The following P3H1 variants were observed in gnomAD, a reference collection of about 807,000 sequenced individuals.
The protein encoded by P3H1 is prolyl 3-hydroxylase 1.
Under a neutral mutation model 84.0 loss-of-function variants are expected in P3H1, and 69 were observed. The observed-to-expected ratio is 0.82, with a 90% CI of 0.68 to 1.00. The LOEUF (loss-of-function observed/expected upper bound fraction) is 1.00, where lower values mean the gene tolerates loss of function less well. Ranked by LOEUF, P3H1 falls within the 50% of genes least tolerant of loss-of-function variation. The pLI is 0.00. For synonymous variants in P3H1, 366 were observed against 388.8 expected (o/e 0.94, Z 0.69); for missense variants, 878 against 962.8 (o/e 0.91, Z 1.17).
chr1:42,752,013 C>T (rs1459057701), intron 10 of P3H1, among the ~76,000 whole-genome samples: 1 of 152,230 alleles, frequency 6.6e-6, no homozygotes, highest in Admixed American at 6.5e-5. Context: ...CCTCTAGAAT[C>T]AGCCTTTCTA....
chr1:42,754,500 C>T lies in P3H1; in HGVS notation c.1345+369G>A, dbSNP rs916426519. On this transcript the variant is annotated intron_variant, in intron 8 of 14. Coordinates refer to ENST00000296388, the MANE Select transcript of P3H1 (RefSeq NM_022356.4). The surrounding 1 kb of genome is among the most constrained non-coding windows in gnomAD (Gnocchi z 4.0). Reference sequence around the variant, plus strand: ...TGGACAACACTAGTCACTCATGTTTCTGTGACACAGAAGTCTCATTTCTTT... The same window carrying T: ...TGGACAACACTAGTCACTCATGTTTTTGTGACACAGAAGTCTCATTTCTTT... Among the ~76,000 whole-genome samples the T allele has an allele frequency of 1.8e-4, 28 of 152,230 alleles. No homozygotes were observed. The highest frequency in any genetic ancestry group is 5.8e-4 in the African/African-American group (24 of 41,546).
chr1:42,747,085 C>T (rs1281640118), intron 14 of P3H1, 187 bp downstream of exon 14: 1 of 1,614,132 alleles, frequency 6.2e-7, no homozygotes, highest in Admixed American at 1.7e-5. Flanking sequence ...ATCCCGTTCA[C>T]AGCAGGCCCA....
At position 42,750,171 on chromosome 1, in the gene P3H1, G is replaced by T. The variant is rs1385085286; in HGVS notation, c.1720+15C>A. 1.9e-6 allele frequency: 3 copies of T among 1,610,752 alleles called. No individual in the cohort carries two copies. In the South Asian group the frequency reaches 3.3e-5, roughly 18 times the overall value. On this transcript the variant is annotated intron_variant, in intron 11 of 14. Coordinates refer to ENST00000296388, the MANE Select transcript of P3H1 (RefSeq NM_022356.4). ...AGCATGCGGGGGCGGGTGCTGCAGG[G>T]GTAATGAGGCCCACCTTCGATGGCA... is the stretch of plus-strand genomic sequence containing the variant.
chr1:42,758,251 T>C (rs914721766), intron 4 of P3H1, among the ~76,000 whole-genome samples: 1 of 152,264 alleles, frequency 6.6e-6, no homozygotes, highest in African/African-American at 2.4e-5. Flanking sequence ...TTTGCCTCAA[T>C]ACACTCAATC....
rs758732344 is a variant in P3H1 at position 42,747,809 on chromosome 1, C to A, written c.1839-11G>T. The stretch of plus-strand genomic sequence containing the variant: ...AGGTAAAGGATGGCGCTGGGAAAGG[C>A]AGAGACATCTCATCATGGCCCTTCC... On this transcript the variant is annotated splice_polypyrimidine_tract_variant and intron_variant, in intron 12 of 14. Coordinates refer to ENST00000296388, the MANE Select transcript of P3H1 (RefSeq NM_022356.4). 15 of 1,613,636 alleles carry A rather than the reference C, an allele frequency of 9.3e-6. No individual in the cohort carries two copies. In the South Asian group the frequency reaches 1.6e-4, roughly 18 times the overall value.
At chr1:42,755,344 T>C (rs1249273074) in intron 6 of P3H1, 127 bp from the exon 7 acceptor site, 41 of 1,046,722 alleles carry the variant, frequency 3.9e-5, no homozygotes, top group Admixed American at 1.5e-4. Flanking sequence ...GGAGACAAAA[T>C]GGGAGGTTTC....
rs369774706 is a variant in P3H1, at chr1:42,755,142, T to C, written c.1223+23A>G. 3.7e-5 allele frequency: 60 copies of C among 1,613,674 alleles called. No homozygotes were observed. In the East Asian group the frequency reaches 8.2e-4, roughly 22 times the overall value. ...GTGCTTCATCAGACTGATCCAACCA[T>C]GCAGTTTCTTCAAGGTCCTCACTTC... On this transcript the variant is annotated intron_variant, in intron 7 of 14. Coordinates refer to ENST00000296388, the MANE Select transcript of P3H1 (RefSeq NM_022356.4).
chr1:42,747,600 T>C (rs1358986661), intron 13 of P3H1, 123 bp downstream of exon 13: 1 of 1,166,908 alleles, frequency 8.6e-7, no homozygotes, highest in African/African-American at 1.5e-5. Flanking sequence ...CCCCTCTGGA[T>C]GGGGGAAGGG....
rs74070021 is a variant in P3H1 at position 42,752,231 on chromosome 1, C to T, written c.1569+43G>A. On this transcript the variant is annotated intron_variant, in intron 10 of 14. Transcript: ENST00000296388. ...TCAAAGCCTGAGCTTCCCCCTTCCC[C>T]ACCCCTTTCTCCACACTCTAGAATG... is the stretch of plus-strand genomic sequence containing the variant. 4.1e-3 allele frequency: 6,271 copies of T among 1,523,304 alleles called. 227 individuals carry two copies. In the African/African-American group the frequency reaches 0.078, roughly 19 times the overall value. 94.4% of individuals were successfully genotyped at this position (1,523,304 alleles called of 1,614,324 possible). A position where few individuals can be genotyped will look rare whatever the true frequency, so the allele number is the denominator to read the frequency against.
In P3H1 at chr1:42,754,127, G is replaced by C. The variant is rs1652257719; in HGVS notation, c.1345+742C>G. ...AACATTCGGTTAAGGGGCAGGCACG[G>C]AGGATGGGTCAGAGGCCAGTGTCTG... On this transcript the variant is annotated intron_variant, in intron 8 of 14. Transcript: ENST00000296388. The surrounding 1 kb of genome is among the most constrained non-coding windows in gnomAD (Gnocchi z 4.0). Among the ~76,000 whole-genome samples the C allele has an allele frequency of 6.6e-6, 1 of 152,218 alleles. No homozygotes were observed.
chr1:42,751,968 A>G lies in P3H1; in HGVS notation c.1569+306T>C, dbSNP rs1570463185. The stretch of plus-strand genomic sequence containing the variant: ...CCTCCTGTCCTTCTTATCTCTCTTT[A>G]TGAGCACACTGTGCATCCTGCACAG... On this transcript the variant is annotated intron_variant, in intron 10 of 14. Coordinates refer to ENST00000296388, the MANE Select transcript of P3H1 (RefSeq NM_022356.4). 6 of 424,264 alleles carry G rather than the reference A, an allele frequency of 1.4e-5. No individual in the cohort carries two copies. The East Asian group carries it at 3.1e-4, about 22-fold the overall frequency. The allele number at this position is 424,264 out of a possible 1,614,324, so 26.3% of individuals were successfully genotyped here.
intron 8 of P3H1, among the ~76,000 whole-genome samples, chr1:42,753,716 T>G (rs1176541969): frequency 6.6e-6 from 1 of 151,468 alleles, no homozygotes; most frequent in Non-Finnish European, 1.5e-5. Context: ...AGGTCAGGAG[T>G]TTGAGACCAG....
chr1:42,766,894 G>A lies in P3H1; in HGVS notation c.78C>T (p.Ser26=). The part of the protein sequence containing the change: ...VAAASQAEVE[S]EAGWGMVTPD... Reference sequence around the variant, plus strand: ...GCGTCACCATGCCCCATCCTGCCTCGGACTCGACCTCGGCTTGGGAGGCAG... The same window carrying A: ...GCGTCACCATGCCCCATCCTGCCTCAGACTCGACCTCGGCTTGGGAGGCAG... Residue 26 remains serine, a synonymous_variant, in exon 1 of 15, where the codon TCC becomes TCT. Coordinates refer to ENST00000296388, the MANE Select transcript of P3H1 (RefSeq NM_022356.4). 1 of 1,608,904 alleles carries A rather than the reference G, an allele frequency of 6.2e-7. No homozygotes were observed.
chr1:42,759,316 CGCCGCCTCTAGGTGG>C lies in P3H1; in HGVS notation c.678_692del (p.His227_Ala231del). 1.2e-6 allele frequency: 2 copies of C among 1,614,182 alleles called. No homozygotes were observed. Among genetic ancestry groups the C allele is most frequent in the Non-Finnish European group, 1.7e-6 (2 of 1,180,024 alleles). ...CATAGGCCACAAAGTATTCTTGCAG[CGCCGCCTCTAGGTGG>C]GGCACAGCTTCCTGTGGCTGTTCCT... is the stretch of plus-strand genomic sequence containing the variant. On this transcript the variant is annotated inframe_deletion, in exon 3 of 15. Transcript: ENST00000296388.
intron 2 of P3H1, 41 bp from the exon 3 acceptor site, chr1:42,759,431 A>T: frequency 1.3e-6 from 2 of 1,575,158 alleles, no homozygotes; most frequent in Non-Finnish European, 1.7e-6. Context: ...GCCACAGAGG[A>T]GGAACCCTCT....
chr1:42,765,172 C>T (rs1299879330), intron 1 of P3H1, among the ~76,000 whole-genome samples: 11 of 152,332 alleles, frequency 7.2e-5, no homozygotes, highest in Middle Eastern at 6.8e-3. Flanking sequence ...ACACACATCT[C>T]GACATTGCAA....
At chr1:42,762,043 C>A in intron 2 of P3H1, 2 of 347,432 alleles carry the variant, frequency 5.8e-6, no homozygotes, top group African/African-American at 2.1e-5. Flanking sequence ...TTATACTTAC[C>A]TACATTTCTA....
chr1:42,755,260 T>C, intron 6 of P3H1, 43 bp from the exon 7 acceptor site: 5 of 1,576,906 alleles, frequency 3.2e-6, no homozygotes, highest in Non-Finnish European at 4.4e-6. Context: ...GATGATCTAC[T>C]TAATCTTCCA....
chr1:42,749,541 A>G (rs1651916297), intron 11 of P3H1, among the ~76,000 whole-genome samples: 1 of 152,248 alleles, frequency 6.6e-6, no homozygotes, highest in Admixed American at 6.5e-5. Context: ...TTTAACAATT[A>G]GTAAAAGAGA....
Sources: gnomAD v4.1 joint callset for allele counts (sites outside exome capture counted in the v4.1 genomes callset) on GRCh38, gnomAD v4.1.1 for gene constraint, Gnocchi (gnomAD v3.1) non-coding constraint, MANE v1.5 for transcripts, NCBI Gene and HGNC (gene_info 2026-07-23, HGNC 2026-07-21) for gene names.